RGCC: variants seen among roughly 807,000 people sequenced by gnomAD.
RGCC encodes regulator of cell cycle.
Under a neutral mutation model 15.4 loss-of-function variants are expected in RGCC, and 15 were observed. That is an observed-to-expected ratio of 0.97 (90% CI 0.65 to 1.50). RGCC has a LOEUF of 1.50. Ranked by LOEUF, RGCC falls within the 40% of genes most tolerant of loss-of-function variation. RGCC has a pLI of 0.00. For missense variants in RGCC, 176 were observed against 189.7 expected (o/e 0.93, Z 0.42); for synonymous variants, 81 against 78.0 (o/e 1.04, Z -0.20).
At chr13:41,469,014 C>T (rs2043861616) in intron 4 of RGCC, among the ~76,000 whole-genome samples, 176 bp downstream of exon 4, 2 of 152,156 alleles carry the variant, frequency 1.3e-5, no homozygotes. Context: ...AATCCCAGCA[C>T]TTTGGAAGGC....
chr13:41,458,884 T>C lies in RGCC; in HGVS notation c.235+414T>C, dbSNP rs1205234261. On this transcript the variant is annotated intron_variant, in intron 2 of 4. Coordinates refer to ENST00000379359, the MANE Select transcript of RGCC (RefSeq NM_014059.3). The surrounding 1 kb of genome is among the most constrained non-coding windows in gnomAD (Gnocchi z 4.4). The stretch of plus-strand genomic sequence containing the variant: ...CATGGGAGGGCGCAGAACGGAAATA[T>C]TCATGAAACCAGGAAAGGTTTCATA... Among the ~76,000 whole-genome samples the C allele has an allele frequency of 6.6e-6, 1 of 152,178 alleles. No individual in the cohort carries two copies. Among genetic ancestry groups the C allele is most frequent in the African/African-American group, 2.4e-5 (1 of 41,440 alleles).
chr13:41,463,412 C>T lies in RGCC; in HGVS notation c.236-3411C>T, dbSNP rs143502126. ...GGTCTGTCCCAGATTGTACACCTCA[C>T]GGAAAGGGAGTGAAGTCATGGTGTG... On this transcript the variant is annotated intron_variant, in intron 2 of 4. Coordinates refer to ENST00000379359, the MANE Select transcript of RGCC (RefSeq NM_014059.3). Among the ~76,000 whole-genome samples the T allele has an allele frequency of 8.9e-3, 1,271 of 143,464 alleles. 24 individuals carry two copies. Among genetic ancestry groups the T allele is most frequent in the African/African-American group, 0.031 (1,209 of 39,164 alleles). 94.1% of individuals were successfully genotyped at this position (143,464 alleles called of 152,430 possible).
intron 2 of RGCC, among the ~76,000 whole-genome samples, chr13:41,460,931 C>T (rs1057353248): frequency 2.6e-5 from 4 of 152,094 alleles, no homozygotes; most frequent in Admixed American, 2.0e-4. Context: ...GAAGATCAAA[C>T]AGCAAGCCTG....
chr13:41,459,716 T>C (rs979426481), intron 2 of RGCC, among the ~76,000 whole-genome samples: 1 of 152,258 alleles, frequency 6.6e-6, no homozygotes, highest in Non-Finnish European at 1.5e-5. Flanking sequence ...TCTTAATGAA[T>C]AGGTTCATTT....
chr13:41,460,799 A>G (rs985887063), intron 2 of RGCC, among the ~76,000 whole-genome samples: 1 of 152,248 alleles, frequency 6.6e-6, no homozygotes, highest in African/African-American at 2.4e-5. Flanking sequence ...GCTATACCAT[A>G]TAGATACATT....
At chr13:41,464,558 A>G (rs2043838360) in intron 2 of RGCC, among the ~76,000 whole-genome samples, 1 of 152,164 alleles carries the variant, frequency 6.6e-6, no homozygotes, top group Admixed American at 6.5e-5. Flanking sequence ...AGCACCACAA[A>G]GAAGTGTCCC....
At chr13:41,461,393 A>G (rs1220140781) in intron 2 of RGCC, among the ~76,000 whole-genome samples, 3 of 152,348 alleles carry the variant, frequency 2.0e-5, no homozygotes, top group Admixed American at 6.5e-5. Flanking sequence ...TTAGAAATAT[A>G]TCTTCTTTTC....
chr13:41,462,264 G>A (rs574631801), intron 2 of RGCC, among the ~76,000 whole-genome samples: 6 of 152,112 alleles, frequency 3.9e-5, no homozygotes, highest in Middle Eastern at 3.4e-3. Context: ...GTTGACATGC[G>A]CTAACCCTAA....
At position 41,468,753 on chromosome 13, in the gene RGCC, TCTCTCC is replaced by T. The variant is rs762864974; in HGVS notation, c.344-16_344-11del. On this transcript the variant is annotated splice_polypyrimidine_tract_variant and intron_variant, in intron 3 of 4. Transcript: ENST00000379359. ...GGAAACTGAACTCTCTCTCTCTCTC[TCTCTCC>T]CTCTCCTGTTTCACAGCTAAATTAG... 36 of 1,579,836 alleles carry T rather than the reference TCTCTCC, an allele frequency of 2.3e-5. No homozygotes were observed. The highest frequency in any genetic ancestry group is 2.6e-5 in the Non-Finnish European group (30 of 1,156,440).
intron 2 of RGCC, among the ~76,000 whole-genome samples, chr13:41,464,456 CCTTTGGAGGTGGG>C (rs2043837771): frequency 6.6e-6 from 1 of 152,016 alleles, no homozygotes; most frequent in Non-Finnish European, 1.5e-5. Context: ...GGAGAGCCCA[CCTTTGGAGGTGGG>C]CTCGGTTGAG....
chr13:41,470,340 A>G (rs2043869891), intron 4 of RGCC, 138 bp from the exon 5 acceptor site: 1 of 840,332 alleles, frequency 1.2e-6, no homozygotes, highest in Non-Finnish European at 2.0e-6. Flanking sequence ...CAGTCATTCC[A>G]GTTAATCAGA....
At chr13:41,470,348 A>C (rs919949204) in intron 4 of RGCC, 130 bp from the exon 5 acceptor site, 1 of 899,022 alleles carries the variant, frequency 1.1e-6, no homozygotes, top group Non-Finnish European at 1.8e-6. Flanking sequence ...CCAGTTAATC[A>C]GACACTCATC....
chr13:41,460,462 C>T (rs922942753), intron 2 of RGCC, among the ~76,000 whole-genome samples: 1 of 152,172 alleles, frequency 6.6e-6, no homozygotes, highest in East Asian at 1.9e-4. Flanking sequence ...CAGCAGCTCA[C>T]TTTTAGCAAA....
chr13:41,464,808 G>A (rs1387946471), intron 2 of RGCC, among the ~76,000 whole-genome samples: 1 of 152,180 alleles, frequency 6.6e-6, no homozygotes, highest in South Asian at 2.1e-4. Flanking sequence ...AGTGATGGTG[G>A]TCATTTCAGG....
rs1436397993 is a variant in RGCC, at chr13:41,458,257, T to C, written c.50-28T>C. Reference sequence around the variant, plus strand: ...GGTCCCGCTGCCCCCCTGACTTCCGTGCACTGAGCCCCTGGCCCTGCCCGC... The same window carrying C: ...GGTCCCGCTGCCCCCCTGACTTCCGCGCACTGAGCCCCTGGCCCTGCCCGC... On this transcript the variant is annotated intron_variant, in intron 1 of 4. Transcript: ENST00000379359. The surrounding 1 kb of genome is among the most constrained non-coding windows in gnomAD (Gnocchi z 4.4). 1.3e-6 allele frequency: 2 copies of C among 1,541,014 alleles called. No individual in the cohort carries two copies. The highest frequency in any genetic ancestry group is 1.7e-6 in the Non-Finnish European group (2 of 1,148,564).
chr13:41,469,264 G>GTAATGA (rs1555296691), intron 4 of RGCC, among the ~76,000 whole-genome samples: 1 of 136,594 alleles, frequency 7.3e-6, no homozygotes, highest in African/African-American at 2.9e-5. Context: ...CGTCAAAATA[G>GTAATGA]TAATAATAAT....
chr13:41,467,901 G>A (rs2043856882), intron 3 of RGCC, among the ~76,000 whole-genome samples: 1 of 152,194 alleles, frequency 6.6e-6, no homozygotes, highest in Admixed American at 6.5e-5. Flanking sequence ...GGGAAAAAAA[G>A]CCCCTAGTGG....
At chr13:41,467,883 A>G (rs2043856697) in intron 3 of RGCC, among the ~76,000 whole-genome samples, 1 of 152,250 alleles carries the variant, frequency 6.6e-6, no homozygotes, top group Non-Finnish European at 1.5e-5. Flanking sequence ...AGAGGTAGGA[A>G]TTAAAGAGGG....
At chr13:41,462,364 T>G (rs532417088) in intron 2 of RGCC, among the ~76,000 whole-genome samples, 1 of 152,316 alleles carries the variant, frequency 6.6e-6, no homozygotes, top group East Asian at 1.9e-4. Flanking sequence ...CAGACTCTGT[T>G]AGTTGTATAT....
Sources: gnomAD v4.1 joint callset for allele counts (sites outside exome capture counted in the v4.1 genomes callset) on GRCh38, gnomAD v4.1.1 for gene constraint, Gnocchi (gnomAD v3.1) non-coding constraint, MANE v1.5 for transcripts, NCBI Gene and HGNC (gene_info 2026-07-23, HGNC 2026-07-21) for gene names.